The following NBPF11 variants were observed in gnomAD, a reference collection of about 807,000 sequenced individuals.
The protein encoded by NBPF11 is NBPF member 11, also known as NBPF family member NBPF11.
Under a neutral mutation model 93.9 loss-of-function variants are expected in NBPF11, and 72 were observed. The ratio of observed to expected loss-of-function variants is 0.77; its 90% CI spans 0.63 to 0.93. The LOEUF (loss-of-function observed/expected upper bound fraction) is 0.93, where lower values mean the gene tolerates loss of function less well. NBPF11 is among the 40% of genes least tolerant of loss of function. The pLI is 0.00. For synonymous variants in NBPF11, 224 were observed against 304.9 expected, an observed-to-expected ratio of 0.73 and a Z score of 2.76; for missense variants, 705 against 802.2, an observed-to-expected ratio of 0.88 and a Z score of 1.46.
intron 6 of NBPF11, among the ~76,000 whole-genome samples, 192 bp downstream of exon 6, chr1:148,124,707 C>T (rs1435678576): frequency 6.6e-6 from 1 of 152,068 alleles, no homozygotes; most frequent in East Asian, 1.9e-4. Flanking sequence ...AAACAAGGCT[C>T]TAAGAAACAA....
At chr1:148,123,718 T>A (rs1453766255) in intron 7 of NBPF11, 135 bp downstream of exon 7, 3 of 1,580,802 alleles carry the variant, frequency 1.9e-6, no homozygotes, top group African/African-American at 2.7e-5. Flanking sequence ...ACTCAGGAAG[T>A]CCTGATCATG....
chr1:148,136,462 T>C (rs1331002718), intron 3 of NBPF11, among the ~76,000 whole-genome samples: 1 of 150,752 alleles, frequency 6.6e-6, no homozygotes, highest in Non-Finnish European at 1.5e-5. Flanking sequence ...CAAAACAACA[T>C]GGATGAATCT....
At chr1:148,147,258 C>T (rs2149309647) in intron 1 of NBPF11, among the ~76,000 whole-genome samples, 1 of 152,148 alleles carries the variant, frequency 6.6e-6, no homozygotes, top group Admixed American at 6.5e-5. Context: ...GGGGTCTGTG[C>T]ACGTGTGGCT....
chr1:148,126,295 G>A (rs1428779633), intron 5 of NBPF11, among the ~76,000 whole-genome samples: 17 of 151,992 alleles, frequency 1.1e-4, no homozygotes, highest in African/African-American at 2.9e-4. Context: ...CACGTTGCAC[G>A]GCCCCTACTC....
intron 1 of NBPF11, among the ~76,000 whole-genome samples, chr1:148,147,551 A>G (rs2149310576): frequency 6.6e-6 from 1 of 151,864 alleles, no homozygotes; most frequent in South Asian, 2.1e-4. Flanking sequence ...GGACGAGGAG[A>G]CCCGGCTGGG....
At chr1:148,148,273 G>A (rs2149312807) in intron 1 of NBPF11, among the ~76,000 whole-genome samples, 1 of 152,368 alleles carries the variant, frequency 6.6e-6, no homozygotes, top group East Asian at 1.9e-4. Context: ...GCCAGGCAGA[G>A]GGGACGCACA....
chr1:148,130,816 A>G (rs1169752292), intron 4 of NBPF11, among the ~76,000 whole-genome samples: 2 of 151,862 alleles, frequency 1.3e-5, no homozygotes, highest in African/African-American at 4.9e-5. Flanking sequence ...TTCAACCCTC[A>G]GCCCCAAGGA....
intron 2 of NBPF11, among the ~76,000 whole-genome samples, chr1:148,138,754 T>G (rs1413216112): frequency 6.6e-6 from 1 of 151,742 alleles, no homozygotes; most frequent in Non-Finnish European, 1.5e-5. Context: ...TTATGTCTAC[T>G]TCTTCCTACA....
At chr1:148,119,510 C>G (rs1236552978) in intron 10 of NBPF11, among the ~76,000 whole-genome samples, 2 of 151,648 alleles carry the variant, frequency 1.3e-5, no homozygotes, top group Non-Finnish European at 2.9e-5. Flanking sequence ...GAGACAGGCC[C>G]ACGGTCCCTG....
At chr1:148,138,031 T>C (rs2149282385) in intron 2 of NBPF11, among the ~76,000 whole-genome samples, 1 of 150,786 alleles carries the variant, frequency 6.6e-6, no homozygotes, top group South Asian at 2.1e-4. Flanking sequence ...ATTGGGCGTT[T>C]CCGGAGAGGG....
At chr1:148,151,599 G>GGCGGAGCCCT (rs1199073945) in intron 1 of NBPF11, 151 bp downstream of exon 1, 14 of 152,014 alleles carry the variant, frequency 9.2e-5, no homozygotes, top group Middle Eastern at 3.2e-3. Context: ...CTTAGGCCCC[G>GGCGGAGCCCT]GCGGAGCCCT....
chr1:148,149,588 C>A lies in NBPF11; in HGVS notation c.-549+2162G>T. On this transcript the variant is annotated intron_variant, in intron 1 of 23. Transcript: ENST00000682118. ...CTAGCGGCGGCCCCAACCAGCCGGA[C>A]CTCAGCAATAAGGCGGCCCCCGGAC... 8 of 1,592,238 alleles carry A rather than the reference C, an allele frequency of 5.0e-6. No individual in the cohort carries two copies. The South Asian group carries it at 8.8e-5, about 18-fold the overall frequency.
intron 20 of NBPF11, among the ~76,000 whole-genome samples, 192 bp downstream of exon 20, chr1:148,106,750 C>A (rs1347865272): frequency 1.3e-5 from 2 of 148,494 alleles, no homozygotes; most frequent in East Asian, 2.0e-4. Flanking sequence ...AGGAATAGAG[C>A]CTTGCTCACT....
intron 8 of NBPF11, 151 bp downstream of exon 8, chr1:148,122,578 C>A (rs1449364813): frequency 1.7e-6 from 2 of 1,183,890 alleles, no homozygotes; most frequent in East Asian, 4.7e-5. Flanking sequence ...ACAACAGCTG[C>A]CGCACCCTGT....
At chr1:148,150,790 A>G (rs1228149548) in intron 1 of NBPF11, among the ~76,000 whole-genome samples, 3 of 150,090 alleles carry the variant, frequency 2.0e-5, no homozygotes, top group African/African-American at 7.4e-5. Context: ...CAGTGACAAG[A>G]TATCTCCGCT....
At chr1:148,132,148 A>G (rs1346740301) in intron 4 of NBPF11, among the ~76,000 whole-genome samples, 125 of 147,568 alleles carry the variant, frequency 8.5e-4, no homozygotes, top group Middle Eastern at 3.5e-3. Flanking sequence ...GTGTGTGTAT[A>G]TATATATATA....
At chr1:148,104,096 G>A (rs1286988478) in intron 23 of NBPF11, among the ~76,000 whole-genome samples, 184 bp from the exon 24 acceptor site, 2 of 144,748 alleles carry the variant, frequency 1.4e-5, no homozygotes, top group Non-Finnish European at 3.0e-5. Context: ...CAATGAAAGA[G>A]AAAGACAGAG....
At position 148,149,665 on chromosome 1, in the gene NBPF11, G is replaced by A. The variant is rs1156976781; in HGVS notation, c.-549+2085C>T. On this transcript the variant is annotated intron_variant, in intron 1 of 23. Coordinates refer to ENST00000682118, the MANE Select transcript of NBPF11 (RefSeq NM_001385469.3). The stretch of plus-strand genomic sequence containing the variant: ...GGGCTGCATGTGGACCCCCCCGGGC[G>A]GCCCAGGGGACCCCGCCCCGACCCA... 1.9e-5 allele frequency: 21 copies of A among 1,090,674 alleles called. 1 individual carries two copies. Among genetic ancestry groups the A allele is most frequent in the African/African-American group, 3.3e-5 (2 of 60,054 alleles). 67.6% of individuals were successfully genotyped at this position (1,090,674 alleles called of 1,614,324 possible). A position where few individuals can be genotyped will look rare whatever the true frequency, so the allele number is the denominator to read the frequency against.
chr1:148,107,444 C>A (rs1333486772), intron 19 of NBPF11, among the ~76,000 whole-genome samples: 1 of 151,452 alleles, frequency 6.6e-6, no homozygotes, highest in Admixed American at 6.6e-5. Flanking sequence ...AGAGTGGGCT[C>A]AATAATTTTC....
Sources: gnomAD v4.1 joint callset for allele counts (sites outside exome capture counted in the v4.1 genomes callset) on GRCh38, gnomAD v4.1.1 for gene constraint, MANE v1.5 for transcripts, NCBI Gene and HGNC (gene_info 2026-07-23, HGNC 2026-07-21) for gene names.